The following GPATCH2 variants were observed in gnomAD, a reference collection of about 807,000 sequenced individuals.
GPATCH2 encodes the protein G patch domain-containing protein 2.
Under a neutral mutation model 58.0 loss-of-function variants are expected in GPATCH2, and 51 were observed. The ratio of observed to expected loss-of-function variants is 0.88; its 90% CI spans 0.70 to 1.11. The LOEUF is 1.11. GPATCH2 is among the 50% of genes most tolerant of loss of function. The probability of loss-of-function intolerance (pLI) is 0.00; values close to 1 mark genes in which losing one functional copy is unlikely to be tolerated. For synonymous variants in GPATCH2, 222 were observed against 218.5 expected, an observed-to-expected ratio of 1.02 and a Z score of -0.14; for missense variants, 625 against 652.2, an observed-to-expected ratio of 0.96 and a Z score of 0.45.
chr1:217,450,793 A>T (rs1659629805), intron 8 of GPATCH2, among the ~76,000 whole-genome samples: 1 of 152,186 alleles, frequency 6.6e-6, no homozygotes, highest in African/African-American at 2.4e-5. Flanking sequence ...GTCTTGGCTC[A>T]TGATGCCAAG....
intron 5 of GPATCH2, among the ~76,000 whole-genome samples, chr1:217,586,364 C>A (rs1220821410): frequency 6.9e-6 from 1 of 145,208 alleles, no homozygotes; most frequent in Non-Finnish European, 1.6e-5. Context: ...CTATTTTATA[C>A]CTTTTTTTTT....
Position 217,630,916 on chromosome 1 carries a change from C to T in GPATCH2, c.56G>A (p.Trp19Ter), listed in dbSNP as rs200502282. 1.3e-6 allele frequency: 2 copies of T among 1,588,092 alleles called. No homozygotes were observed. Among genetic ancestry groups the T allele is most frequent in the Non-Finnish European group, 8.5e-7 (1 of 1,172,212 alleles). ...CCCTCCCCAGGGCCGCCAGCCTCAC[C>T]AGCTGTTCCCGGCTGCTGGAGCTCC... is the stretch of plus-strand genomic sequence containing the variant. Reference protein sequence around the residue: ...PIGAPAAGNSWHFSRTMEELV... With the variant: ...PIGAPAAGNS Residue 19 changes from tryptophan to a stop codon, truncating the protein, a stop_gained and splice_region_variant, in exon 1 of 10, where the codon TGG becomes TAG. Transcript: ENST00000366935. LOFTEE classifies it high-confidence loss of function.
intron 5 of GPATCH2, among the ~76,000 whole-genome samples, chr1:217,554,621 A>G (rs1665531839): frequency 6.6e-6 from 1 of 152,220 alleles, no homozygotes; most frequent in Non-Finnish European, 1.5e-5. Context: ...CTTTTATTTA[A>G]TCTGACATAA....
At chr1:217,475,697 A>G (rs1660936103) in intron 8 of GPATCH2, among the ~76,000 whole-genome samples, 1 of 152,214 alleles carries the variant, frequency 6.6e-6, no homozygotes, top group South Asian at 2.1e-4. Context: ...ACATTGGAGC[A>G]ATGCCTTCAA....
rs193081647 is a variant in GPATCH2, at chr1:217,596,600, T to C, written c.1098+13721A>G. ...TTATAATGAATAGTAATCAAATATT[T>C]CTGCCCTTTTATATTAGTTTAACAC... On this transcript the variant is annotated intron_variant, in intron 5 of 9. Transcript: ENST00000366935. Among the ~76,000 whole-genome samples the C allele has an allele frequency of 4.1e-4, 63 of 152,302 alleles. 1 individual carries two copies. The highest frequency in any genetic ancestry group is 1.5e-3 in the African/African-American group (61 of 41,578).
chr1:217,543,007 AG>A, intron 5 of GPATCH2, among the ~76,000 whole-genome samples: 1 of 152,202 alleles, frequency 6.6e-6, no homozygotes, highest in East Asian at 1.9e-4. Flanking sequence ...GGGACAAGAA[AG>A]GGAACTAAAA....
intron 9 of GPATCH2, among the ~76,000 whole-genome samples, chr1:217,434,574 A>G (rs935810762): frequency 1.3e-5 from 2 of 152,188 alleles, no homozygotes; most frequent in Non-Finnish European, 2.9e-5. Flanking sequence ...CCAGAGGTCT[A>G]TTGCTGCTCT....
intron 5 of GPATCH2, among the ~76,000 whole-genome samples, chr1:217,566,020 G>C (rs1419056807): frequency 1.4e-5 from 2 of 138,460 alleles, no homozygotes; most frequent in Non-Finnish European, 3.0e-5. Flanking sequence ...AGAATCGCTT[G>C]AACTTGGGAG....
chr1:217,566,101 C>CAAA (rs59608962), intron 5 of GPATCH2, among the ~76,000 whole-genome samples: 16 of 47,230 alleles, frequency 3.4e-4, no homozygotes, highest in African/African-American at 7.0e-4. Flanking sequence ...AACTCCGTCT[C>CAAA]AAAAAAAAAA....
chr1:217,621,385 C>T lies in GPATCH2; in HGVS notation c.57-886G>A, dbSNP rs981877569. On this transcript the variant is annotated intron_variant, in intron 1 of 9. Coordinates refer to ENST00000366935, the MANE Select transcript of GPATCH2 (RefSeq NM_018040.5). ...ATTTGCACCCGTCTTATGAAGACCA[C>T]AGGCAATCATTTCTAAAATCGAGAT... Among the ~76,000 whole-genome samples, 11 of 152,262 alleles carry T rather than the reference C, an allele frequency of 7.2e-5. No individual in the cohort carries two copies. The South Asian group carries it at 2.3e-3, about 32-fold the overall frequency.
chr1:217,458,719 C>T (rs999096963), intron 8 of GPATCH2, among the ~76,000 whole-genome samples: 5 of 152,220 alleles, frequency 3.3e-5, no homozygotes, highest in Admixed American at 6.5e-5. Flanking sequence ...TTTCTGTTTC[C>T]TAATTCTGCC....
intron 5 of GPATCH2, among the ~76,000 whole-genome samples, chr1:217,564,627 C>G (rs1355719736): frequency 6.6e-6 from 1 of 152,132 alleles, no homozygotes. Context: ...AACTTTTTTT[C>G]TGGTTTATGG....
rs984286213 is a variant in GPATCH2 at position 217,430,951 on chromosome 1, T to A, written c.*194A>T. ...ACTGAAAAAAATTAAAGTGCAGAGG[T>A]TTTCATTTTAGCACCATGAATTGTG... On this transcript the variant is annotated 3_prime_UTR_variant, in exon 10 of 10. Transcript: ENST00000366935. 1.7e-6 allele frequency: 1 copy of A among 583,808 alleles called. No homozygotes were observed. The highest frequency in any genetic ancestry group is 3.0e-6 in the Non-Finnish European group (1 of 328,476). The allele number at this position is 583,808 out of a possible 1,614,324, so 36.2% of individuals were successfully genotyped here. A position where few individuals can be genotyped will look rare whatever the true frequency, so the allele number is the denominator to read the frequency against.
rs952129895 is a variant in GPATCH2, at chr1:217,428,783, T to TA, written c.*2361dup. 6.6e-6 allele frequency: 1 copy of TA among 152,162 alleles called. No homozygotes were observed. Among genetic ancestry groups the TA allele is most frequent in the African/African-American group, 2.4e-5 (1 of 41,440 alleles). 9.4% of individuals were successfully genotyped at this position (152,162 alleles called of 1,614,324 possible). Reference sequence around the variant, plus strand: ...TACAAAGAAGAATTTTTTTAGGTGTTAGAGAAGCTAAGTTAACATCCCACA... The same window carrying TA: ...TACAAAGAAGAATTTTTTTAGGTGTTAAGAGAAGCTAAGTTAACATCCCACA... On this transcript the variant is annotated 3_prime_UTR_variant, in exon 10 of 10. Transcript: ENST00000366935.
intron 5 of GPATCH2, among the ~76,000 whole-genome samples, chr1:217,548,422 C>G (rs960868527): frequency 6.6e-6 from 1 of 152,216 alleles, no homozygotes; most frequent in African/African-American, 2.4e-5. Context: ...TGAAAGTAAT[C>G]TTTTTGATTA....
At chr1:217,520,440 C>T (rs1010326579) in intron 5 of GPATCH2, among the ~76,000 whole-genome samples, 2 of 152,162 alleles carry the variant, frequency 1.3e-5, no homozygotes, top group South Asian at 2.1e-4. Context: ...AAAGGCCCAT[C>T]AGGTTCCTAT....
chr1:217,630,689 TAAAC>T (rs1414092341), intron 1 of GPATCH2, among the ~76,000 whole-genome samples: 2 of 152,200 alleles, frequency 1.3e-5, no homozygotes, highest in Non-Finnish European at 2.9e-5. Flanking sequence ...AAAATATTGT[TAAAC>T]AAGCAATCAG....
chr1:217,517,238 C>T (rs1463226610), intron 5 of GPATCH2, among the ~76,000 whole-genome samples: 1 of 151,944 alleles, frequency 6.6e-6, no homozygotes, highest in East Asian at 1.9e-4. Flanking sequence ...GGTGACTATC[C>T]TTTATTGTTA....
intron 8 of GPATCH2, among the ~76,000 whole-genome samples, chr1:217,471,521 T>C (rs963439129): frequency 6.6e-6 from 1 of 152,194 alleles, no homozygotes; most frequent in Non-Finnish European, 1.5e-5. Flanking sequence ...TTTGGATCTT[T>C]AGATGGTCAA....
Sources: allele counts gnomAD v4.1 joint callset (sites outside exome capture counted in the v4.1 genomes callset), GRCh38; gene constraint gnomAD v4.1.1; transcripts MANE v1.5; gene names NCBI Gene and HGNC (gene_info 2026-07-23, HGNC 2026-07-21).